The following PCDH9 variants were observed in gnomAD, a reference collection of about 807,000 sequenced individuals.
PCDH9 encodes protocadherin 9, also known as protocadherin-9.
In PCDH9, 24 loss-of-function variants were observed where a neutral mutation model predicts 70.6. That is an observed-to-expected ratio of 0.34 (90% CI 0.25 to 0.48). The LOEUF (loss-of-function observed/expected upper bound fraction) is 0.48. PCDH9 is among the 20% of genes least tolerant of loss of function. PCDH9 has a pLI of 0.99. For missense variants in PCDH9, 1,281 were observed against 1,503.6 expected (o/e 0.85, Z 2.45); for synonymous variants, 562 against 558.5 (o/e 1.01, Z -0.09).
chr13:66,379,418 T>C (rs1280289721), intron 4 of PCDH9, among the ~76,000 whole-genome samples: 6 of 152,236 alleles, frequency 3.9e-5, no homozygotes, highest in Middle Eastern at 3.2e-3. Flanking sequence ...TTTATAAATA[T>C]AAATTAGTGT....
At chr13:67,120,824 A>G (rs2086861940) in intron 2 of PCDH9, among the ~76,000 whole-genome samples, 1 of 152,198 alleles carries the variant, frequency 6.6e-6, no homozygotes, top group South Asian at 2.1e-4. Flanking sequence ...TTTCTCATAT[A>G]TAATGATGGA....
At position 66,459,309 on chromosome 13, in the gene PCDH9, T is replaced by C. The variant is rs1412677711; in HGVS notation, c.3341-154281A>G. 2.6e-5 allele frequency among the ~76,000 whole-genome samples: 4 copies of C among 151,990 alleles called. No individual in the cohort carries two copies. In the East Asian group the frequency reaches 7.7e-4, roughly 29 times the overall value. Reference sequence around the variant, plus strand: ...GGAAGGTCCAGTTTCTAACTATTCCTGTCATTTAATGCAATAATGCAGAGG... The same window carrying C: ...GGAAGGTCCAGTTTCTAACTATTCCCGTCATTTAATGCAATAATGCAGAGG... On this transcript the variant is annotated intron_variant, in intron 4 of 4. Coordinates refer to ENST00000377865, the MANE Select transcript of PCDH9 (RefSeq NM_203487.3).
rs549424940 is a variant in PCDH9, at chr13:66,774,703, G to A, written c.3138+128801C>T. On this transcript the variant is annotated intron_variant, in intron 3 of 4. Transcript: ENST00000377865. ...TTTACAATACCCCAAATGACGTATT[G>A]TTATTATCACCTAAGCATTAAAGTG... 5.0e-4 allele frequency among the ~76,000 whole-genome samples: 76 copies of A among 152,218 alleles called. 1 individual carries two copies. The highest frequency in any genetic ancestry group is 2.9e-3 in the Admixed American group (44 of 15,284).
intron 3 of PCDH9, among the ~76,000 whole-genome samples, chr13:66,833,574 T>G (rs549929605): frequency 6.6e-6 from 1 of 152,344 alleles, no homozygotes; most frequent in African/African-American, 2.4e-5. Context: ...CAATTTCTCA[T>G]CTTTGTAGTC....
chr13:66,808,892 C>T (rs1257013352), intron 3 of PCDH9, among the ~76,000 whole-genome samples: 1 of 152,134 alleles, frequency 6.6e-6, no homozygotes, highest in African/African-American at 2.4e-5. Context: ...TTTGTATGTA[C>T]ATTATATTTT....
intron 3 of PCDH9, among the ~76,000 whole-genome samples, chr13:66,744,921 T>C (rs2079335331): frequency 6.6e-6 from 1 of 152,190 alleles, no homozygotes; most frequent in Admixed American, 6.5e-5. Flanking sequence ...GTTTTTAGTT[T>C]CTTTTCTCTA....
chr13:66,738,165 C>T lies in PCDH9; in HGVS notation c.3139-106754G>A, dbSNP rs966057563. ...GATCTGAGAACGGGCAGACGGCCTC[C>T]TCAAGTGGGTCCCTGACCCCTGACC... On this transcript the variant is annotated intron_variant, in intron 3 of 4. Coordinates refer to ENST00000377865, the MANE Select transcript of PCDH9 (RefSeq NM_203487.3). Among the ~76,000 whole-genome samples, 13 of 152,252 alleles carry T rather than the reference C, an allele frequency of 8.5e-5. No homozygotes were observed. In the East Asian group the frequency reaches 2.3e-3, roughly 27 times the overall value.
chr13:66,340,982 T>G (rs1447906839), intron 4 of PCDH9, among the ~76,000 whole-genome samples: 1 of 152,166 alleles, frequency 6.6e-6, no homozygotes, highest in Non-Finnish European at 1.5e-5. Flanking sequence ...TGCCCTTACA[T>G]AAAAGTCAGA....
intron 2 of PCDH9, among the ~76,000 whole-genome samples, chr13:67,181,189 T>G (rs568669072): frequency 6.6e-6 from 1 of 152,302 alleles, no homozygotes; most frequent in East Asian, 1.9e-4. Flanking sequence ...ATGAAAAGCT[T>G]AAGTCAAAAG....
In PCDH9 at chr13:67,227,960, AGCG is replaced by A. The variant is rs1221435957; in HGVS notation, c.478_480del (p.Arg160del). The A allele has an allele frequency of 6.2e-7, 1 of 1,614,180 alleles. No homozygotes were observed. Among genetic ancestry groups the A allele is most frequent in the Non-Finnish European group, 8.5e-7 (1 of 1,180,050 alleles). On this transcript the variant is annotated inframe_deletion, in exon 2 of 5. Transcript: ENST00000377865. This position sits in a 1 kb window ranked among gnomAD's most constrained non-coding sequence, Gnocchi z 4.6. ...GGATCTGTTGCTGATGGAATTGGAA[AGCG>A]GCTGTTGATCAAAGTGTTTTCTGGA...
chr13:66,873,535 G>C (rs2081737700), intron 3 of PCDH9, among the ~76,000 whole-genome samples: 1 of 152,120 alleles, frequency 6.6e-6, no homozygotes, highest in Non-Finnish European at 1.5e-5. Context: ...TGAAAGATTT[G>C]TCTTTCAATA....
intron 3 of PCDH9, among the ~76,000 whole-genome samples, chr13:66,829,397 G>C (rs999374977): frequency 2.6e-5 from 4 of 151,932 alleles, no homozygotes; most frequent in Non-Finnish European, 4.4e-5. Context: ...AGTTGGAAAA[G>C]GCAAAAAATA....
At chr13:66,463,478 G>A (rs1228475335) in intron 4 of PCDH9, among the ~76,000 whole-genome samples, 1 of 151,896 alleles carries the variant, frequency 6.6e-6, no homozygotes, top group Non-Finnish European at 1.5e-5. Flanking sequence ...AAAAAAAAGA[G>A]AGGAGAGAGA....
At chr13:66,654,701 T>C (rs1465027926) in intron 3 of PCDH9, among the ~76,000 whole-genome samples, 2 of 151,988 alleles carry the variant, frequency 1.3e-5, no homozygotes, top group African/African-American at 4.8e-5. Context: ...TTGTTTGTTG[T>C]TGTCTGTTTG....
At chr13:67,098,990 T>A (rs531368359) in intron 2 of PCDH9, among the ~76,000 whole-genome samples, 1 of 152,280 alleles carries the variant, frequency 6.6e-6, no homozygotes, top group South Asian at 2.1e-4. Context: ...GGCAATCTTT[T>A]GTAAAGAATG....
intron 2 of PCDH9, among the ~76,000 whole-genome samples, chr13:67,171,667 A>T (rs2088289211): frequency 6.6e-6 from 1 of 152,188 alleles, no homozygotes; most frequent in African/African-American, 2.4e-5. Context: ...TACAAATTTA[A>T]GAAATTATCC....
intron 4 of PCDH9, among the ~76,000 whole-genome samples, chr13:66,388,319 A>T (rs1956964323): frequency 1.3e-5 from 2 of 152,220 alleles, no homozygotes; most frequent in South Asian, 4.1e-4. Flanking sequence ...TGTACATAGG[A>T]TAATAATTTC....
rs556254433 is a variant in PCDH9 at position 66,466,217 on chromosome 13, G to C, written c.3341-161189C>G. ...CCTCTCCTCCCCTCCTTCTCTGTCA[G>C]TCCTCCCCAACCATGCACAAGTGAG... On this transcript the variant is annotated intron_variant, in intron 4 of 4. Coordinates refer to ENST00000377865, the MANE Select transcript of PCDH9 (RefSeq NM_203487.3). Among the ~76,000 whole-genome samples the C allele has an allele frequency of 2.4e-4, 36 of 149,294 alleles. No individual in the cohort carries two copies. In the Middle Eastern group the frequency reaches 0.01, roughly 43 times the overall value.
chr13:66,868,335 T>G lies in PCDH9; in HGVS notation c.3138+35169A>C, dbSNP rs147312312. ...CATGGTGAATTTTGATAACATTGAC[T>G]AACTCGTTTTCAAGTCATCATCAAA... On this transcript the variant is annotated intron_variant, in intron 3 of 4. Coordinates refer to ENST00000377865, the MANE Select transcript of PCDH9 (RefSeq NM_203487.3). Among the ~76,000 whole-genome samples the G allele has an allele frequency of 7.5e-3, 1,140 of 151,990 alleles. 2 individuals are homozygous for G. Among genetic ancestry groups the G allele is most frequent in the Non-Finnish European group, 0.01 (707 of 67,828 alleles).
Sources: allele counts gnomAD v4.1 joint callset (sites outside exome capture counted in the v4.1 genomes callset), GRCh38; gene constraint gnomAD v4.1.1; non-coding constraint Gnocchi (gnomAD v3.1); transcripts MANE v1.5; gene names NCBI Gene and HGNC (gene_info 2026-07-23, HGNC 2026-07-21).